The following SLC38A2 variants were observed in gnomAD, a reference collection of about 807,000 sequenced individuals.
SLC38A2 encodes sodium-coupled neutral amino acid symporter 2.
SLC38A2 carries 11 observed loss-of-function variants against 61.5 expected under a neutral mutation model. That is an observed-to-expected ratio of 0.18 (90% CI 0.11 to 0.30). The LOEUF is 0.30. Among genes scored for constraint, SLC38A2 ranks in the 10% least tolerant of loss-of-function variants. SLC38A2 has a pLI of 1.00. For missense variants in SLC38A2, 522 were observed against 600.4 expected, an observed-to-expected ratio of 0.87 and a Z score of 1.36; for synonymous variants, 217 against 212.5, an observed-to-expected ratio of 1.02 and a Z score of -0.18.
At chr12:46,363,521 T>G (rs1237080782) in intron 12 of SLC38A2, among the ~76,000 whole-genome samples, 1 of 152,066 alleles carries the variant, frequency 6.6e-6, no homozygotes, top group East Asian at 1.9e-4. Flanking sequence ...AATGATATTT[T>G]CAAACCTGGA....
chr12:46,358,896 G>C lies in SLC38A2; in HGVS notation c.*2215C>G, dbSNP rs182424006. The stretch of plus-strand genomic sequence containing the variant: ...TAATACTGAAGACTGCTCATTAATG[G>C]GAATTCATTGTTCAGGAACCTCAAG... On this transcript the variant is annotated 3_prime_UTR_variant, in exon 16 of 16. Transcript: ENST00000256689. 3.3e-5 allele frequency: 5 copies of C among 152,624 alleles called. No homozygotes were observed. In the East Asian group the frequency reaches 9.6e-4, roughly 29 times the overall value. 9.5% of individuals were successfully genotyped at this position (152,624 alleles called of 1,614,324 possible).
chr12:46,370,924 G>T, intron 2 of SLC38A2, 67 bp from the exon 3 acceptor site: 2 of 1,237,536 alleles, frequency 1.6e-6, no homozygotes, highest in African/African-American at 1.5e-5. Flanking sequence ...ACACAAGACT[G>T]CTTTAACATA....
In SLC38A2 at chr12:46,361,186, A is replaced by G; in HGVS notation, c.1446T>C (p.Gly482=). ...KIGALFFLLS[G]VLVMTGSMAL... The stretch of plus-strand genomic sequence containing the variant: ...CCATGCTTCCGGTCATCACCAGTAC[A>G]CCACTTAACAGGAAGAACAAAGCCT... Residue 482 remains glycine (G), a synonymous_variant, in exon 16 of 16, where the codon GGT becomes GGC. Coordinates refer to ENST00000256689, the MANE Select transcript of SLC38A2 (RefSeq NM_018976.5). 1.9e-6 allele frequency: 3 copies of G among 1,613,652 alleles called. No homozygotes were observed. The highest frequency in any genetic ancestry group is 1.6e-4 in the Middle Eastern group (1 of 6,062).
At position 46,359,206 on chromosome 12, in the gene SLC38A2, C is replaced by T. The variant is rs544027982; in HGVS notation, c.*1905G>A. 3 of 152,564 alleles carry T rather than the reference C, an allele frequency of 2.0e-5. No individual in the cohort carries two copies. The South Asian group carries it at 6.2e-4, about 32-fold the overall frequency. 9.5% of individuals were successfully genotyped at this position (152,564 alleles called of 1,614,324 possible). On this transcript the variant is annotated 3_prime_UTR_variant, in exon 16 of 16. Coordinates refer to ENST00000256689, the MANE Select transcript of SLC38A2 (RefSeq NM_018976.5). ...CAAATTTGCCAATTCTTGGTCTCAACTAGAGGTGAGGTTCTGCATTCGAAT... is the reference window on the plus strand; with the variant it reads ...CAAATTTGCCAATTCTTGGTCTCAATTAGAGGTGAGGTTCTGCATTCGAAT...
chr12:46,362,733 A>G, intron 13 of SLC38A2, 95 bp from the exon 14 acceptor site: 1 of 1,294,644 alleles, frequency 7.7e-7, no homozygotes, highest in Non-Finnish European at 1.0e-6. Flanking sequence ...CCCAAGTAAC[A>G]AGGAATCTAT....
Position 46,359,443 on chromosome 12 carries a change from T to C in SLC38A2, c.*1668A>G, listed in dbSNP as rs917948362. The C allele has an allele frequency of 6.6e-6, 1 of 152,656 alleles. No homozygotes were observed. The highest frequency in any genetic ancestry group is 2.4e-5 in the African/African-American group (1 of 41,450). 9.5% of individuals were successfully genotyped at this position (152,656 alleles called of 1,614,324 possible). ...TATCTTGTTTGTAAATTTAGTCACA[T>C]ATAATACAAGAATGCGTAACAAAAA... is the stretch of plus-strand genomic sequence containing the variant. On this transcript the variant is annotated 3_prime_UTR_variant, in exon 16 of 16. Transcript: ENST00000256689.
rs556443281 is a variant in SLC38A2 at position 46,370,851 on chromosome 12, A to G, written c.123T>C (p.Tyr41=). Residue 41 remains tyrosine, a synonymous_variant, in exon 3 of 16, where the codon TAT becomes TAC. Coordinates refer to ENST00000256689, the MANE Select transcript of SLC38A2 (RefSeq NM_018976.5). Reference sequence around the variant, plus strand: ...TCTGGTTTTCAGGATCTACATCTGCATAATGGCTGCAAAAAATATAGACAT... The same window carrying G: ...TCTGGTTTTCAGGATCTACATCTGCGTAATGGCTGCAAAAAATATAGACAT... ...PTKQAALKSH[Y]ADVDPENQNF... The G allele has an allele frequency of 3.1e-6, 5 of 1,606,934 alleles. No individual in the cohort carries two copies. The highest frequency in any genetic ancestry group is 4.5e-5 in the East Asian group (2 of 44,822).
chr12:46,365,365 G>C, intron 7 of SLC38A2, 176 bp from the exon 8 acceptor site: 2 of 630,154 alleles, frequency 3.2e-6, no homozygotes, highest in South Asian at 3.9e-5. Flanking sequence ...TTGTGTGCTA[G>C]ATGAACATTT....
Position 46,363,961 on chromosome 12 carries a change from G to A in SLC38A2, c.916C>T (p.His306Tyr). The change falls in exon 11 of 16, where the codon CAT becomes TAT. Residue 306 changes from histidine (H) to tyrosine (Y), a missense_variant. By Grantham distance (83) the His-to-Tyr change is moderately conservative (BLOSUM62 2). Coordinates refer to ENST00000256689, the MANE Select transcript of SLC38A2 (RefSeq NM_018976.5). ...TCATAGATGGGAAGAACAGCAGGAT[G>A]ACAGACAAATGAAAAGATCAGAATT... ...VPILIFSFVCHPAVLPIYEEL... is the reference protein window; with the variant it reads ...VPILIFSFVCYPAVLPIYEEL... 6.2e-7 allele frequency: 1 copy of A among 1,612,080 alleles called. No individual in the cohort carries two copies. Among genetic ancestry groups the A allele is most frequent in the Non-Finnish European group, 8.5e-7 (1 of 1,178,930 alleles).
Position 46,372,764 on chromosome 12 carries a change from G to A in SLC38A2, c.-342C>T, listed in dbSNP as rs1017784149. On this transcript the variant is annotated 5_prime_UTR_variant, in exon 1 of 16. Coordinates refer to ENST00000256689, the MANE Select transcript of SLC38A2 (RefSeq NM_018976.5). ...AAAGGCGTTCTAAGGCGGCGGCGTC[G>A]CGCGGCTGTGGAGCAGCCCTGCGAG... 2.8e-5 allele frequency: 11 copies of A among 398,138 alleles called. No individual in the cohort carries two copies. The highest frequency in any genetic ancestry group is 8.8e-5 in the Admixed American group (2 of 22,708). 24.7% of individuals were successfully genotyped at this position (398,138 alleles called of 1,614,324 possible).
intron 10 of SLC38A2, 69 bp from the exon 11 acceptor site, chr12:46,364,072 A>C (rs554895739): frequency 7.7e-7 from 1 of 1,305,804 alleles, no homozygotes; most frequent in East Asian, 2.5e-5. Flanking sequence ...TCCGCAGCAT[A>C]TATTTTATGT....
intron 9 of SLC38A2, 38 bp from the exon 10 acceptor site, chr12:46,364,594 A>C (rs756609225): frequency 6.3e-7 from 1 of 1,598,004 alleles, no homozygotes; most frequent in Admixed American, 1.8e-5. Context: ...AAACTAAGTG[A>C]CATGGCAGGG....
intron 5 of SLC38A2, 30 bp downstream of exon 5, chr12:46,367,237 G>T: frequency 6.3e-7 from 1 of 1,581,322 alleles, no homozygotes; most frequent in Non-Finnish European, 8.7e-7. Context: ...GGTATACATT[G>T]TTTTAGAAAA....
chr12:46,366,991 C>T (rs371353245), intron 6 of SLC38A2, 46 bp from the exon 7 acceptor site: 21 of 1,606,098 alleles, frequency 1.3e-5, no homozygotes, highest in Middle Eastern at 1.6e-4. Flanking sequence ...AAACGCGGCA[C>T]GTGACACTAA....
chr12:46,370,017 TAAAAC>T (rs1189539716), intron 4 of SLC38A2, among the ~76,000 whole-genome samples: 6 of 152,216 alleles, frequency 3.9e-5, no homozygotes, highest in African/African-American at 1.4e-4. Flanking sequence ...CTCCTCGTCT[TAAAAC>T]AAACATGTTC....
chr12:46,367,206 T>C (rs778584914), intron 5 of SLC38A2, 38 bp from the exon 6 acceptor site: 1 of 1,595,276 alleles, frequency 6.3e-7, no homozygotes, highest in South Asian at 1.1e-5. Flanking sequence ...CCAAGGATTT[T>C]AAAAGAGAAA....
Position 46,372,769 on chromosome 12 carries a change from G to A in SLC38A2, c.-347C>T, listed in dbSNP as rs1365167547. On this transcript the variant is annotated 5_prime_UTR_variant, in exon 1 of 16. Transcript: ENST00000256689. ...CGTTCTAAGGCGGCGGCGTCGCGCG[G>A]CTGTGGAGCAGCCCTGCGAGCGGCG... The A allele has an allele frequency of 7.5e-6, 3 of 398,124 alleles. No homozygotes were observed. The highest frequency in any genetic ancestry group is 4.4e-6 in the Non-Finnish European group (1 of 225,782). The allele number at this position is 398,124 out of a possible 1,614,324, so 24.7% of individuals were successfully genotyped here. A position where few individuals can be genotyped will look rare whatever the true frequency, so the allele number is the denominator to read the frequency against.
chr12:46,369,155 TTAAC>T (rs1317727537), intron 4 of SLC38A2, among the ~76,000 whole-genome samples: 1 of 152,232 alleles, frequency 6.6e-6, no homozygotes, highest in African/African-American at 2.4e-5. Flanking sequence ...AATTCTTACT[TTAAC>T]TACACTGGCT....
Position 46,367,772 on chromosome 12 carries a change from T to C in SLC38A2, c.315-432A>G, listed in dbSNP as rs73282577. Reference sequence around the variant, plus strand: ...CGCCACTAAACCCAGCCCACAAGGTTCTTGGGAAATTCAACTGAGACACGT... The same window carrying C: ...CGCCACTAAACCCAGCCCACAAGGTCCTTGGGAAATTCAACTGAGACACGT... On this transcript the variant is annotated intron_variant, in intron 4 of 15. Coordinates refer to ENST00000256689, the MANE Select transcript of SLC38A2 (RefSeq NM_018976.5). Among the ~76,000 whole-genome samples the C allele has an allele frequency of 4.1e-3, 628 of 152,230 alleles. 8 individuals are homozygous for C. The highest frequency in any genetic ancestry group is 0.014 in the African/African-American group (602 of 41,536).
Sources: gnomAD v4.1 joint callset for allele counts (sites outside exome capture counted in the v4.1 genomes callset) on GRCh38, gnomAD v4.1.1 for gene constraint, MANE v1.5 for transcripts, NCBI Gene and HGNC (gene_info 2026-07-23, HGNC 2026-07-21) for gene names.